Variants in CHST11 observed in about 807,000 individuals in gnomAD.
The protein encoded by CHST11 is carbohydrate sulfotransferase 11, also known as C4S-1.
In CHST11, 9 loss-of-function variants were observed where a neutral mutation model predicts 30.4. The ratio of observed to expected loss-of-function variants is 0.30; its 90% CI spans 0.18 to 0.52. The LOEUF (loss-of-function observed/expected upper bound fraction) is 0.52, where lower values mean the gene tolerates loss of function less well. Among genes scored for constraint, CHST11 ranks in the 20% least tolerant of loss-of-function variants. CHST11 has a pLI of 0.97. For missense variants in CHST11, 348 were observed against 460.6 expected (o/e 0.76, Z 2.24); for synonymous variants, 152 against 187.8 (o/e 0.81, Z 1.56).
intron 2 of CHST11, among the ~76,000 whole-genome samples, chr12:104,752,392 A>G (rs923857403): frequency 5.3e-5 from 8 of 152,050 alleles, no homozygotes; most frequent in Non-Finnish European, 1.2e-4. Context: ...TCCATATCAA[A>G]TCACATTCTG....
intron 2 of CHST11, among the ~76,000 whole-genome samples, chr12:104,721,194 C>A (rs1421972617): frequency 6.6e-6 from 1 of 152,216 alleles, no homozygotes; most frequent in Admixed American, 6.5e-5. Context: ...TCTCATCAGG[C>A]ATCACAGATT....
chr12:104,606,119 CCAAA>C (rs2039002284), intron 2 of CHST11, among the ~76,000 whole-genome samples: 1 of 140,460 alleles, frequency 7.1e-6, no homozygotes, highest in African/African-American at 2.7e-5. Context: ...TCTCTGAGGA[CCAAA>C]CAGTGTCCAA....
At chr12:104,661,055 T>TAGCTGAATCTATG (rs1267535077) in intron 2 of CHST11, among the ~76,000 whole-genome samples, 2 of 152,212 alleles carry the variant, frequency 1.3e-5, no homozygotes, top group Admixed American at 1.3e-4. Context: ...AAGGGTGATG[T>TAGCTGAATCTATG]AGCTGAATCT....
rs186975982 is a variant in CHST11, at chr12:104,581,066, C to A, written c.119-20840C>A. ...TGTTTTTCTGGCCCTCCTGTTCTGT[C>A]CTGATTTCTGTCCCTGAACTCCTGA... On this transcript the variant is annotated intron_variant, in intron 1 of 2. Transcript: ENST00000303694. Among the ~76,000 whole-genome samples, 72 of 152,310 alleles carry A rather than the reference C, an allele frequency of 4.7e-4. 1 individual carries two copies. The East Asian group carries it at 8.1e-3, about 17-fold the overall frequency.
chr12:104,698,983 C>G (rs981940317), intron 2 of CHST11, among the ~76,000 whole-genome samples: 1 of 152,208 alleles, frequency 6.6e-6, no homozygotes, highest in Non-Finnish European at 1.5e-5. Flanking sequence ...AGGGAAGACT[C>G]TTCACTGGCT....
intron 2 of CHST11, among the ~76,000 whole-genome samples, chr12:104,745,739 TGACTA>T (rs1431422680): frequency 2.0e-5 from 3 of 152,198 alleles, no homozygotes; most frequent in African/African-American, 7.2e-5. Context: ...GCTCTTGACT[TGACTA>T]TTGTTGGTGT....
chr12:104,686,157 C>T (rs541952881), intron 2 of CHST11, among the ~76,000 whole-genome samples: 1 of 144,872 alleles, frequency 6.9e-6, no homozygotes, highest in Non-Finnish European at 1.5e-5. Context: ...CGCTGGAGCC[C>T]GAGTTTGGAG....
intron 2 of CHST11, among the ~76,000 whole-genome samples, chr12:104,739,143 G>A (rs1157113227): frequency 1.3e-5 from 2 of 152,240 alleles, no homozygotes; most frequent in East Asian, 3.8e-4. Flanking sequence ...CGGGTAGTGG[G>A]TGCGGGCAAG....
At chr12:104,750,271 C>G (rs2040418434) in intron 2 of CHST11, among the ~76,000 whole-genome samples, 1 of 151,884 alleles carries the variant, frequency 6.6e-6, no homozygotes, top group South Asian at 2.1e-4. Flanking sequence ...AAGCTCTACT[C>G]CAAACACCCT....
chr12:104,740,829 C>T (rs529240275), intron 2 of CHST11, among the ~76,000 whole-genome samples: 97 of 152,302 alleles, frequency 6.4e-4, no homozygotes, highest in Admixed American at 2.5e-3. Context: ...CCTAAGAAGC[C>T]GCAGAGATGT....
chr12:104,597,241 A>T (rs915509030), intron 1 of CHST11, among the ~76,000 whole-genome samples: 2 of 152,186 alleles, frequency 1.3e-5, no homozygotes, highest in African/African-American at 4.8e-5. Context: ...ATCGTGGGAG[A>T]TATAGAACTG....
rs139218575 is a variant in CHST11 at position 104,730,980 on chromosome 12, T to G, written c.205-25969T>G. Among the ~76,000 whole-genome samples the G allele has an allele frequency of 6.8e-4, 103 of 152,348 alleles. 1 individual carries two copies. Among genetic ancestry groups the G allele is most frequent in the African/African-American group, 2.3e-3 (96 of 41,568 alleles). On this transcript the variant is annotated intron_variant, in intron 2 of 2. Transcript: ENST00000303694. ...AAAGCCAGGGAGAGGATGCCCATCT[T>G]ACCTTCTGCCCTGGACTGCTGCAGC...
chr12:104,691,713 C>T (rs1255011740), intron 2 of CHST11, among the ~76,000 whole-genome samples: 1 of 152,142 alleles, frequency 6.6e-6, no homozygotes, highest in Non-Finnish European at 1.5e-5. Context: ...TGGTCTCGAT[C>T]ATCTGACCTC....
chr12:104,732,424 T>C (rs547875005), intron 2 of CHST11, among the ~76,000 whole-genome samples: 3 of 152,212 alleles, frequency 2.0e-5, no homozygotes, highest in Non-Finnish European at 4.4e-5. Context: ...CCCAGGGACA[T>C]TTATAGATGG....
At chr12:104,669,563 AG>A (rs2039672008) in intron 2 of CHST11, among the ~76,000 whole-genome samples, 1 of 152,150 alleles carries the variant, frequency 6.6e-6, no homozygotes, top group Non-Finnish European at 1.5e-5. Context: ...TCCCTGCTCC[AG>A]GCCTACATTG....
rs574515442 is a variant in CHST11 at position 104,684,256 on chromosome 12, G to A, written c.205-72693G>A. On this transcript the variant is annotated intron_variant, in intron 2 of 2. Transcript: ENST00000303694. ...GAATAAATAGGAATTGGTACAAAATGTGGATGGATGGATGGATGGATGGAT... is the reference window on the plus strand; with the variant it reads ...GAATAAATAGGAATTGGTACAAAATATGGATGGATGGATGGATGGATGGAT... Among the ~76,000 whole-genome samples the A allele has an allele frequency of 2.3e-3, 334 of 148,044 alleles. 3 individuals are homozygous for A. Among genetic ancestry groups the A allele is most frequent in the Non-Finnish European group, 1.7e-3 (114 of 67,208 alleles).
At chr12:104,682,871 C>T (rs376311242) in intron 2 of CHST11, among the ~76,000 whole-genome samples, 2 of 152,212 alleles carry the variant, frequency 1.3e-5, no homozygotes, top group East Asian at 3.8e-4. Flanking sequence ...CTTAATGAGC[C>T]AGCTACCGTA....
intron 2 of CHST11, among the ~76,000 whole-genome samples, chr12:104,623,347 C>T (rs899745446): frequency 6.6e-5 from 10 of 152,162 alleles, no homozygotes; most frequent in Admixed American, 3.3e-4. Context: ...TGTAAAGTAC[C>T]GTGCCTGATT....
At chr12:104,679,350 T>TA (rs144411533) in intron 2 of CHST11, among the ~76,000 whole-genome samples, 3,429 of 152,156 alleles carry the variant, frequency 0.023, 135 homozygotes, top group East Asian at 0.2. Flanking sequence ...ACCGAGGGCA[T>TA]ATACGTTTGT....
Sources: gnomAD v4.1 joint callset for allele counts (sites outside exome capture counted in the v4.1 genomes callset) on GRCh38, gnomAD v4.1.1 for gene constraint, MANE v1.5 for transcripts, NCBI Gene and HGNC (gene_info 2026-07-23, HGNC 2026-07-21) for gene names.